CHSY1: variants seen among roughly 807,000 people sequenced by gnomAD.
CHSY1 encodes N-acetylgalactosaminyl-proteoglycan 3-beta-glucuronosyltransferase 1.
A neutral mutation model predicts 59.8 loss-of-function variants in CHSY1; 13 were observed. The observed-to-expected ratio is 0.22, with a 90% confidence interval of 0.14 to 0.35. The LOEUF (loss-of-function observed/expected upper bound fraction) is 0.35. CHSY1 is among the 10% of genes least tolerant of loss of function. The pLI is 1.00. For synonymous variants in CHSY1, 459 were observed against 401.2 expected, an observed-to-expected ratio of 1.14 and a Z score of -1.72; for missense variants, 947 against 1,030.6, an observed-to-expected ratio of 0.92 and a Z score of 1.11.
At position 101,200,530 on chromosome 15, in the gene CHSY1, G is replaced by A. The variant is rs567964886; in HGVS notation, c.817-21550C>T. 2.0e-5 allele frequency among the ~76,000 whole-genome samples: 3 copies of A among 152,278 alleles called. No homozygotes were observed. The South Asian group carries it at 6.2e-4, about 32-fold the overall frequency. ...CAGTACAAACAAGGTTAGGAGAATT[G>A]TTCAAGAACTGTTCTTAAGTACCAT... On this transcript the variant is annotated intron_variant, in intron 2 of 2. Transcript: ENST00000254190.
chr15:101,207,350 C>T lies in CHSY1; in HGVS notation c.816+27732G>A, dbSNP rs185149009. Among the ~76,000 whole-genome samples the T allele has an allele frequency of 1.8e-3, 274 of 152,370 alleles. 1 individual carries two copies. Among genetic ancestry groups the T allele is most frequent in the Admixed American group, 3.1e-3 (48 of 15,310 alleles). On this transcript the variant is annotated intron_variant, in intron 2 of 2. Coordinates refer to ENST00000254190, the MANE Select transcript of CHSY1 (RefSeq NM_014918.5). ...AATCAGCGTCACCAAGTCTTCACTT[C>T]GCCAACTAACAACAGTATTTTAAAA...
intron 2 of CHSY1, among the ~76,000 whole-genome samples, chr15:101,219,475 T>C (rs1304289907): frequency 6.6e-6 from 1 of 152,214 alleles, no homozygotes; most frequent in Non-Finnish European, 1.5e-5. Flanking sequence ...GGATTATCTT[T>C]TTAAAAATAA....
chr15:101,230,548 AT>A (rs201587447), intron 2 of CHSY1, among the ~76,000 whole-genome samples: 1 of 152,192 alleles, frequency 6.6e-6, no homozygotes, highest in African/African-American at 2.4e-5. Context: ...TAATGTGTGA[AT>A]TTTTTTTAAA....
At chr15:101,204,326 C>A (rs1215760111) in intron 2 of CHSY1, among the ~76,000 whole-genome samples, 2 of 151,010 alleles carry the variant, frequency 1.3e-5, no homozygotes, top group East Asian at 2.0e-4. Flanking sequence ...CCCAGCTACT[C>A]GGGAGGGTGA....
In CHSY1 at chr15:101,177,513, T is replaced by G; in HGVS notation, c.2284A>C (p.Met762Leu). ...DPNLDPKQYKMCLGSKASTYG... is the reference protein window; with the variant it reads ...DPNLDPKQYKLCLGSKASTYG... ...GTCGATGCTTTGGACCCCAAGCACATTTTGTACTGTTTGGGGTCAAGATTG... is the reference window on the plus strand; with the variant it reads ...GTCGATGCTTTGGACCCCAAGCACAGTTTGTACTGTTTGGGGTCAAGATTG... The change falls in exon 3 of 3, where the codon ATG becomes CTG. Residue 762 changes from methionine (M) to leucine (L), a missense_variant. By Grantham distance (15) the Met-to-Leu change is conservative. This residue lies in a region of CHSY1 where 602 missense variants were observed against 676.9 expected (regional missense o/e 0.89). Transcript: ENST00000254190. The G allele has an allele frequency of 6.2e-7, 1 of 1,613,602 alleles. No homozygotes were observed. The highest frequency in any genetic ancestry group is 1.1e-5 in the South Asian group (1 of 91,064).
At chr15:101,190,832 G>C (rs2038433301) in intron 2 of CHSY1, among the ~76,000 whole-genome samples, 1 of 152,192 alleles carries the variant, frequency 6.6e-6, no homozygotes, top group Non-Finnish European at 1.5e-5. Flanking sequence ...AAAAGCATGT[G>C]AAAGTCATCA....
chr15:101,225,958 CA>C (rs1469391267), intron 2 of CHSY1, among the ~76,000 whole-genome samples: 2 of 152,150 alleles, frequency 1.3e-5, no homozygotes, highest in Non-Finnish European at 2.9e-5. Context: ...CTCTCACAAT[CA>C]CAGGACTCTG....
chr15:101,210,996 A>T (rs897238), intron 2 of CHSY1, among the ~76,000 whole-genome samples: 62,340 of 152,132 alleles, frequency 0.41, 16,058 homozygotes, highest in African/African-American at 0.73. Flanking sequence ...AAATGAAATA[A>T]CTAAAATTAA....
rs1339426452 is a variant in CHSY1, at chr15:101,193,557, C to G, written c.817-14577G>C. 2.0e-5 allele frequency among the ~76,000 whole-genome samples: 3 copies of G among 152,256 alleles called. No homozygotes were observed. In the East Asian group the frequency reaches 5.8e-4, roughly 29 times the overall value. ...GAGCAGGCGAACGCTCCTTCCTCTC[C>G]AGCCGCAGTCACGCTGTGTGCATGC... On this transcript the variant is annotated intron_variant, in intron 2 of 2. Coordinates refer to ENST00000254190, the MANE Select transcript of CHSY1 (RefSeq NM_014918.5).
At chr15:101,192,779 G>C (rs1258279033) in intron 2 of CHSY1, among the ~76,000 whole-genome samples, 1 of 152,116 alleles carries the variant, frequency 6.6e-6, no homozygotes, top group Non-Finnish European at 1.5e-5. Context: ...ATAGCTGAAA[G>C]TAATCATCCT....
rs1308124308 is a variant in CHSY1 at position 101,178,494 on chromosome 15, C to T, written c.1303G>A (p.Gly435Ser). The T allele has an allele frequency of 6.2e-6, 10 of 1,614,094 alleles. No homozygotes were observed. Among genetic ancestry groups the T allele is most frequent in the Middle Eastern group, 1.6e-4 (1 of 6,084 alleles). Residue 435 changes from glycine to serine, a missense_variant, in exon 3 of 3, where the codon GGC (glycine) becomes AGC (serine). Coordinates refer to ENST00000254190, the MANE Select transcript of CHSY1 (RefSeq NM_014918.5). ...TACATGGGGTTCACCCGGCGGTAGC[C>T]GTACTGGATCTCTTTGAAGTCAATG... ...RIIDFKEIQYGYRRVNPMYGA... is the reference protein window; with the variant it reads ...RIIDFKEIQYSYRRVNPMYGA...
intron 1 of CHSY1, among the ~76,000 whole-genome samples, 170 bp downstream of exon 1, chr15:101,250,967 C>T (rs942566169): frequency 6.6e-6 from 1 of 152,252 alleles, no homozygotes; most frequent in African/African-American, 2.4e-5. Context: ...ACCATCCCGC[C>T]TCTGATCTTT....
chr15:101,215,719 A>G (rs920031886), intron 2 of CHSY1, among the ~76,000 whole-genome samples: 6 of 152,222 alleles, frequency 3.9e-5, no homozygotes, highest in Non-Finnish European at 8.8e-5. Context: ...TGGGCAACAA[A>G]TCGAGACTCT....
intron 2 of CHSY1, among the ~76,000 whole-genome samples, chr15:101,209,068 C>A (rs2038657251): frequency 6.6e-6 from 1 of 152,188 alleles, no homozygotes; most frequent in Non-Finnish European, 1.5e-5. Context: ...TCCACAATGA[C>A]ACTCACTAAA....
Position 101,178,195 on chromosome 15 carries a change from T to C in CHSY1, c.1602A>G (p.Ile534Met), listed in dbSNP as rs146586939. ...GCCCAGACAAAGGAATCAGTATGTTTATCTTTTTATCTTTGGGTTCTTTGT... is the reference window on the plus strand; with the variant it reads ...GCCCAGACAAAGGAATCAGTATGTTCATCTTTTTATCTTTGGGTTCTTTGT... The part of the protein sequence containing the change: ...SEHKEPKDKK[I>M]NILIPLSGRF... The change falls in exon 3 of 3, where the codon ATA becomes ATG. Residue 534 changes from isoleucine to methionine, a missense_variant. Physicochemically the swap from Ile to Met is conservative, Grantham distance 10 (BLOSUM62 1). Around this residue, in one of 4 missense-constraint regions of CHSY1, gnomAD observed 602 missense variants for 676.9 expected, o/e 0.89. Transcript: ENST00000254190. 1.9e-6 allele frequency: 3 copies of C among 1,614,226 alleles called. No homozygotes were observed. The highest frequency in any genetic ancestry group is 2.2e-5 in the East Asian group (1 of 44,890).
intron 1 of CHSY1, chr15:101,242,554 T>C (rs11639408): frequency 0.31 from 47,818 of 152,316 alleles, 10,393 homozygotes; most frequent in African/African-American, 0.62. Context: ...TTACAGGAAG[T>C]ACAGTGTGAT....
chr15:101,181,785 G>A (rs962251903), intron 2 of CHSY1, among the ~76,000 whole-genome samples: 3 of 152,162 alleles, frequency 2.0e-5, no homozygotes, highest in African/African-American at 7.2e-5. Flanking sequence ...CTTGAACGAC[G>A]TGGGGGTTAG....
intron 1 of CHSY1, among the ~76,000 whole-genome samples, chr15:101,236,871 T>C (rs1036034830): frequency 6.6e-6 from 1 of 151,922 alleles, no homozygotes; most frequent in African/African-American, 2.4e-5. Flanking sequence ...TCTGTTTCTT[T>C]ATAAATTACC....
chr15:101,226,844 C>T (rs757819985), intron 2 of CHSY1, among the ~76,000 whole-genome samples: 1 of 152,220 alleles, frequency 6.6e-6, no homozygotes, highest in Non-Finnish European at 1.5e-5. Flanking sequence ...AATACCCTGA[C>T]TTCTTAAACA....
Sources: gnomAD v4.1 joint callset for allele counts (sites outside exome capture counted in the v4.1 genomes callset) on GRCh38, gnomAD v4.1.1 for gene constraint, gnomAD v4.1.1 regional missense constraint, MANE v1.5 for transcripts, NCBI Gene and HGNC (gene_info 2026-07-23, HGNC 2026-07-21) for gene names.